Variants in CCSER1 observed in about 807,000 individuals in gnomAD.
CCSER1 encodes the protein serine-rich coiled-coil domain-containing protein 1.
CCSER1 carries 41 observed loss-of-function variants against 82.0 expected under a neutral mutation model. The ratio of observed to expected loss-of-function variants is 0.50; its 90% confidence interval spans 0.39 to 0.65. The LOEUF (loss-of-function observed/expected upper bound fraction) is 0.65, where lower values mean the gene tolerates loss of function less well. Among genes scored for constraint, CCSER1 ranks in the 30% least tolerant of loss-of-function variants. CCSER1 has a pLI of 0.00. For missense variants in CCSER1, 1,119 were observed against 1,064.2 expected, an observed-to-expected ratio of 1.05 and a Z score of -0.72; for synonymous variants, 414 against 383.9, an observed-to-expected ratio of 1.08 and a Z score of -0.92.
intron 3 of CCSER1, chr4:90,325,632 T>G (rs1342842003): frequency 4.4e-6 from 2 of 449,902 alleles, no homozygotes; most frequent in Non-Finnish European, 9.0e-6. Context: ...GAATAGATGC[T>G]TCACAATTTG....
rs572815468 is a variant in CCSER1 at position 91,065,509 on chromosome 4, C to CA, written c.2173-20433dup. Among the ~76,000 whole-genome samples the CA allele has an allele frequency of 2.6e-4, 40 of 151,716 alleles. No homozygotes were observed. In the South Asian group the frequency reaches 5.2e-3, roughly 20 times the overall value. ...AGGGATTTGTTCACCTATTTTCTAT[C>CA]AAAAAAAATCCCATTGGATATTAAG... On this transcript the variant is annotated intron_variant, in intron 9 of 10. Transcript: ENST00000509176.
At chr4:91,521,244 A>G (rs775412636) in intron 10 of CCSER1, among the ~76,000 whole-genome samples, 12 of 152,208 alleles carry the variant, frequency 7.9e-5, no homozygotes, top group Non-Finnish European at 1.5e-4. Context: ...ATAGTATTCC[A>G]TGTTGTATAT....
At chr4:91,142,199 GTGAA>G (rs1004382987) in intron 10 of CCSER1, among the ~76,000 whole-genome samples, 27 of 152,248 alleles carry the variant, frequency 1.8e-4, no homozygotes, top group Middle Eastern at 3.4e-3. Context: ...TCTTGTGGTA[GTGAA>G]TAAGTGTCAC....
chr4:91,150,622 C>G (rs1017050671), intron 10 of CCSER1, among the ~76,000 whole-genome samples: 1 of 152,108 alleles, frequency 6.6e-6, no homozygotes, highest in Non-Finnish European at 1.5e-5. Context: ...GTGGGTTTGT[C>G]ATAAAATAGC....
At chr4:90,207,870 G>A (rs190708708) in intron 1 of CCSER1, among the ~76,000 whole-genome samples, 264 of 152,292 alleles carry the variant, frequency 1.7e-3, no homozygotes, top group African/African-American at 6.1e-3. Context: ...TCTTCTGGAA[G>A]CTTCGTCCTA....
chr4:91,410,402 G>T (rs1424112922), intron 10 of CCSER1, among the ~76,000 whole-genome samples: 2 of 152,024 alleles, frequency 1.3e-5, no homozygotes, highest in East Asian at 1.9e-4. Context: ...ATCTTTGTTT[G>T]ATCTACTATG....
chr4:90,491,713 G>A (rs1347651649), intron 5 of CCSER1, among the ~76,000 whole-genome samples: 3 of 152,198 alleles, frequency 2.0e-5, no homozygotes, highest in Admixed American at 6.5e-5. Context: ...TTTATTGAGC[G>A]TTTTTAGCAT....
chr4:91,204,945 T>G (rs1251913736), intron 10 of CCSER1, among the ~76,000 whole-genome samples: 2 of 151,700 alleles, frequency 1.3e-5, no homozygotes, highest in South Asian at 4.1e-4. Context: ...AATGCAGCAC[T>G]TAAAAAGTTA....
rs188165923 is a variant in CCSER1 at position 90,408,763 on chromosome 4, C to T, written c.1603+8634C>T. On this transcript the variant is annotated intron_variant, in intron 4 of 10. Coordinates refer to ENST00000509176, the MANE Select transcript of CCSER1 (RefSeq NM_001145065.2). ...AAGGAATGCAGCTCCTCACCAGCAA[C>T]GGAACAAAGCTGGACGGACAATGAC... is the stretch of plus-strand genomic sequence containing the variant. Among the ~76,000 whole-genome samples the T allele has an allele frequency of 8.7e-3, 1,319 of 152,294 alleles. 12 individuals are homozygous for T. Among genetic ancestry groups the T allele is most frequent in the South Asian group, 0.031 (148 of 4,820 alleles).
At chr4:90,776,310 G>A (rs1561115805) in intron 7 of CCSER1, among the ~76,000 whole-genome samples, 1 of 152,172 alleles carries the variant, frequency 6.6e-6, no homozygotes, top group Non-Finnish European at 1.5e-5. Context: ...CAAGGGAGAT[G>A]TGTTGCTGAA....
intron 10 of CCSER1, among the ~76,000 whole-genome samples, chr4:91,150,624 TA>T (rs1403830197): frequency 3.9e-5 from 6 of 152,258 alleles, no homozygotes; most frequent in African/African-American, 1.4e-4. Context: ...GGGTTTGTCA[TA>T]AAATAGCTCT....
rs74700509 is a variant in CCSER1, at chr4:90,658,376, A to T, written c.1932+30144A>T. 1.9e-3 allele frequency among the ~76,000 whole-genome samples: 285 copies of T among 152,318 alleles called. 11 individuals carry two copies. In the East Asian group the frequency reaches 0.048, roughly 26 times the overall value. On this transcript the variant is annotated intron_variant, in intron 6 of 10. Transcript: ENST00000509176. The stretch of plus-strand genomic sequence containing the variant: ...AGTGATTCCAAGATGGACGTCAGTC[A>T]TTGGGAACCTAGTGGGATTACCAAT...
chr4:90,208,713 T>C (rs1321157508), intron 1 of CCSER1, among the ~76,000 whole-genome samples: 1 of 152,116 alleles, frequency 6.6e-6, no homozygotes, highest in Non-Finnish European at 1.5e-5. Flanking sequence ...GAATGCACTG[T>C]TCCTCACAGT....
intron 10 of CCSER1, among the ~76,000 whole-genome samples, chr4:91,463,381 G>T (rs759046388): frequency 2.0e-5 from 3 of 151,994 alleles, no homozygotes; most frequent in Admixed American, 6.6e-5. Context: ...AAAGACCAAA[G>T]GTAGATAAAA....
rs1652281855 is a variant in CCSER1 at position 90,861,264 on chromosome 4, A to G, written c.2094+45419A>G. 2.0e-5 allele frequency among the ~76,000 whole-genome samples: 3 copies of G among 151,742 alleles called. No homozygotes were observed. In the South Asian group the frequency reaches 6.2e-4, roughly 31 times the overall value. On this transcript the variant is annotated intron_variant, in intron 8 of 10. Coordinates refer to ENST00000509176, the MANE Select transcript of CCSER1 (RefSeq NM_001145065.2). ...ATGATATGAGAGTTACAAAACTTGAACTAAATCAAAAAGCCAGTGCTAAGC... is the reference window on the plus strand; with the variant it reads ...ATGATATGAGAGTTACAAAACTTGAGCTAAATCAAAAAGCCAGTGCTAAGC...
intron 7 of CCSER1, among the ~76,000 whole-genome samples, chr4:90,777,193 C>A (rs946203228): frequency 2.6e-5 from 4 of 151,906 alleles, no homozygotes; most frequent in South Asian, 4.2e-4. Flanking sequence ...CCCATCTCTA[C>A]TAAAAATACA....
chr4:90,203,895 G>A (rs556944079), intron 1 of CCSER1, among the ~76,000 whole-genome samples: 9 of 152,232 alleles, frequency 5.9e-5, no homozygotes, highest in African/African-American at 2.2e-4. Flanking sequence ...TAACTGGCAC[G>A]AGATGGTATC....
chr4:91,568,904 G>A (rs890337110), intron 10 of CCSER1, among the ~76,000 whole-genome samples: 3 of 152,122 alleles, frequency 2.0e-5, no homozygotes, highest in Non-Finnish European at 2.9e-5. Flanking sequence ...TCATTTGGAG[G>A]ACATGTGACA....
intron 3 of CCSER1, among the ~76,000 whole-genome samples, chr4:90,329,022 C>G (rs1482480688): frequency 6.6e-6 from 1 of 152,102 alleles, no homozygotes; most frequent in East Asian, 1.9e-4. Context: ...CTTTTGGTAC[C>G]TCCTAATCTT....
Sources: gnomAD v4.1 joint callset for allele counts (sites outside exome capture counted in the v4.1 genomes callset) on GRCh38, gnomAD v4.1.1 for gene constraint, MANE v1.5 for transcripts, NCBI Gene and HGNC (gene_info 2026-07-23, HGNC 2026-07-21) for gene names.